The following SCAI variants were observed in gnomAD, a reference collection of about 807,000 sequenced individuals.
SCAI encodes the protein protein SCAI.
In SCAI, 24 loss-of-function variants were observed where a neutral mutation model predicts 92.2. The ratio of observed to expected loss-of-function variants is 0.26; its 90% CI spans 0.19 to 0.37. The LOEUF is 0.37. Among genes scored for constraint, SCAI ranks in the 10% least tolerant of loss-of-function variants. SCAI has a pLI of 1.00. For synonymous variants in SCAI, 261 were observed against 258.6 expected (o/e 1.01, Z -0.09); for missense variants, 450 against 736.2 (o/e 0.61, Z 4.50).
chr9:125,130,010 T>C (rs942341997), intron 2 of SCAI, among the ~76,000 whole-genome samples: 2 of 151,928 alleles, frequency 1.3e-5, no homozygotes, highest in African/African-American at 2.4e-5. Flanking sequence ...GCGATTCTCC[T>C]GCCTCAGCCA....
chr9:125,109,956 G>A (rs1398732418), intron 2 of SCAI, among the ~76,000 whole-genome samples: 3 of 152,122 alleles, frequency 2.0e-5, no homozygotes, highest in Admixed American at 2.0e-4. Flanking sequence ...CCAAAGTGCT[G>A]GGATTACAGG....
chr9:125,053,032 A>G (rs2131132060), intron 3 of SCAI, among the ~76,000 whole-genome samples: 1 of 152,350 alleles, frequency 6.6e-6, no homozygotes, highest in East Asian at 1.9e-4. Context: ...CAGAATTACT[A>G]TATGACCCAG....
intron 2 of SCAI, among the ~76,000 whole-genome samples, chr9:125,125,441 T>C (rs896191803): frequency 6.6e-6 from 1 of 151,822 alleles, no homozygotes; most frequent in Non-Finnish European, 1.5e-5. Flanking sequence ...GAGAGGAGAA[T>C]TGCTTGAACC....
intron 2 of SCAI, among the ~76,000 whole-genome samples, chr9:125,062,950 T>C (rs1833799110): frequency 7.1e-6 from 1 of 141,430 alleles, no homozygotes; most frequent in Non-Finnish European, 1.5e-5. Flanking sequence ...AACCAGGGAG[T>C]AGGAGGTTGC....
intron 17 of SCAI, among the ~76,000 whole-genome samples, chr9:124,954,829 A>G: frequency 6.6e-6 from 1 of 152,118 alleles, no homozygotes; most frequent in East Asian, 1.9e-4. Flanking sequence ...AAATTTGCTT[A>G]TTCTGGACAT....
chr9:124,997,172 A>C (rs1832254902), intron 13 of SCAI, among the ~76,000 whole-genome samples: 1 of 152,106 alleles, frequency 6.6e-6, no homozygotes, highest in African/African-American at 2.4e-5. Context: ...AAAATCCAAA[A>C]AGTTTTCAGA....
chr9:125,048,689 C>G (rs1833496187), intron 3 of SCAI, among the ~76,000 whole-genome samples: 1 of 151,322 alleles, frequency 6.6e-6, no homozygotes, highest in Non-Finnish European at 1.5e-5. Context: ...ATTATAGAAA[C>G]TTTCTTAAGT....
At chr9:125,116,809 T>C (rs911143337) in intron 2 of SCAI, among the ~76,000 whole-genome samples, 1 of 152,136 alleles carries the variant, frequency 6.6e-6, no homozygotes, top group Admixed American at 6.6e-5. Context: ...CTTGAAAATC[T>C]GTCCTAATTA....
intron 3 of SCAI, among the ~76,000 whole-genome samples, chr9:125,053,835 G>A (rs974139583): frequency 5.3e-5 from 8 of 152,064 alleles, no homozygotes; most frequent in African/African-American, 1.9e-4. Flanking sequence ...CCATAAAACT[G>A]TCTCAAAAAA....
chr9:124,977,707 G>A (rs3932555), intron 14 of SCAI, among the ~76,000 whole-genome samples: 100,033 of 152,140 alleles, frequency 0.66, 33,551 homozygotes, highest in African/African-American at 0.76. Flanking sequence ...AAACATAACA[G>A]AAGAAAAACG....
chr9:125,020,901 A>G (rs993592901), intron 6 of SCAI, 132 bp from the exon 7 acceptor site: 2 of 478,532 alleles, frequency 4.2e-6, no homozygotes, highest in African/African-American at 4.1e-5. Flanking sequence ...ACATATAAGC[A>G]TATAGTCTTT....
intron 13 of SCAI, among the ~76,000 whole-genome samples, chr9:124,996,307 ATTG>A (rs1352575852): frequency 6.6e-6 from 1 of 152,002 alleles, no homozygotes; most frequent in Non-Finnish European, 1.5e-5. Context: ...AATTTTTGTT[ATTG>A]TTGTTGTTTG....
In SCAI at chr9:124,968,283, C is replaced by T. The variant is rs1324255452; in HGVS notation, c.1674+3087G>A. 4.0e-5 allele frequency: 46 copies of T among 1,152,776 alleles called. No individual in the cohort carries two copies. In the East Asian group the frequency reaches 7.9e-4, roughly 20 times the overall value. The allele number at this position is 1,152,776 out of a possible 1,614,324, so 71.4% of individuals were successfully genotyped here. ...TGACAGCTTTTAATATCCTTAAAAC[C>T]GGGCTGGGCATCAAGCGTCTTCTCC... On this transcript the variant is annotated intron_variant, in intron 17 of 17. Coordinates refer to ENST00000336505, the MANE Select transcript of SCAI (RefSeq NM_001144877.3).
intron 3 of SCAI, among the ~76,000 whole-genome samples, chr9:125,053,809 G>A (rs1234391697): frequency 6.6e-6 from 1 of 152,072 alleles, no homozygotes; most frequent in African/African-American, 2.4e-5. Flanking sequence ...AAATTTTATT[G>A]TATATAAATA....
At chr9:125,004,028 T>G (rs1036669627) in intron 9 of SCAI, among the ~76,000 whole-genome samples, 1 of 152,034 alleles carries the variant, frequency 6.6e-6, no homozygotes, top group African/African-American at 2.4e-5. Flanking sequence ...ATACAAAAAT[T>G]AGCCGGGTGT....
In SCAI at chr9:124,952,803, T is replaced by C. The variant is rs558805250; in HGVS notation, c.*4A>G. 1 of 1,600,654 alleles carries C rather than the reference T, an allele frequency of 6.2e-7. No homozygotes were observed. Among genetic ancestry groups the C allele is most frequent in the African/African-American group, 1.3e-5 (1 of 74,358 alleles). On this transcript the variant is annotated 3_prime_UTR_variant, in exon 18 of 18. Coordinates refer to ENST00000336505, the MANE Select transcript of SCAI (RefSeq NM_001144877.3). ...AAACTTGTTTCGACAACAGGGTTTT[T>C]GTTTTAATAGTCATCAATGGTATTC...
At chr9:125,075,582 T>C (rs956815121) in intron 2 of SCAI, among the ~76,000 whole-genome samples, 14 of 147,072 alleles carry the variant, frequency 9.5e-5, no homozygotes, top group Admixed American at 1.3e-4. Context: ...TTTTTTTTTT[T>C]CGAGATGGAG....
At chr9:125,143,231 C>T (rs1835711800) in intron 1 of SCAI, among the ~76,000 whole-genome samples, 154 bp downstream of exon 1, 1 of 151,640 alleles carries the variant, frequency 6.6e-6, no homozygotes, top group African/African-American at 2.4e-5. Flanking sequence ...CCCGCGCCGC[C>T]GCCTGCAGGC....
chr9:125,133,780 T>G (rs1372682665), intron 2 of SCAI, among the ~76,000 whole-genome samples: 1 of 152,022 alleles, frequency 6.6e-6, no homozygotes, highest in Non-Finnish European at 1.5e-5. Context: ...CAAGTATTGG[T>G]GAGGACATTT....
Sources: allele counts gnomAD v4.1 joint callset (sites outside exome capture counted in the v4.1 genomes callset), GRCh38; gene constraint gnomAD v4.1.1; transcripts MANE v1.5; gene names NCBI Gene and HGNC (gene_info 2026-07-23, HGNC 2026-07-21).